The following WDR48 variants were observed in gnomAD, a reference collection of about 807,000 sequenced individuals.
WDR48 encodes WD repeat domain 48, also known as WD repeat-containing protein 48.
Under a neutral mutation model 94.0 loss-of-function variants are expected in WDR48, and 22 were observed. The observed-to-expected ratio is 0.23, with a 90% confidence interval of 0.17 to 0.33. The LOEUF is 0.33. Among genes scored for constraint, WDR48 ranks in the 10% least tolerant of loss-of-function variants. The pLI, the probability that WDR48 is intolerant of heterozygous loss-of-function variation, is 1.00. For synonymous variants in WDR48, 278 were observed against 280.5 expected (o/e 0.99, Z 0.09); for missense variants, 541 against 813.8 (o/e 0.66, Z 4.08).
At chr3:39,093,438 A>G (rs1188314360) in intron 17 of WDR48, among the ~76,000 whole-genome samples, 1 of 152,106 alleles carries the variant, frequency 6.6e-6, no homozygotes, top group Non-Finnish European at 1.5e-5. Flanking sequence ...ATCTTGGCTC[A>G]CTGCAGCCTC....
At chr3:39,061,878 G>GT (rs1575395495) in intron 1 of WDR48, among the ~76,000 whole-genome samples, 2 of 151,672 alleles carry the variant, frequency 1.3e-5, no homozygotes, top group Admixed American at 6.6e-5. Flanking sequence ...TCTTGTGTCT[G>GT]CTGCAGAAAT....
At chr3:39,094,566 C>A in intron 18 of WDR48, 82 bp from the exon 19 acceptor site, 1 of 1,576,276 alleles carries the variant, frequency 6.3e-7, no homozygotes, top group Middle Eastern at 1.7e-4. Flanking sequence ...AGCTGGATCA[C>A]CTGATGAGAG....
intron 7 of WDR48, among the ~76,000 whole-genome samples, chr3:39,071,835 T>C (rs1575410870): frequency 6.6e-6 from 1 of 152,322 alleles, no homozygotes; most frequent in East Asian, 1.9e-4. Context: ...TAACTGCTTA[T>C]TTGGGAAAAA....
chr3:39,082,022 C>T (rs1437302379), intron 11 of WDR48, among the ~76,000 whole-genome samples: 2 of 152,228 alleles, frequency 1.3e-5, no homozygotes, highest in Admixed American at 1.3e-4. Flanking sequence ...GCATTCTAAC[C>T]TTGGCTGTGC....
intron 14 of WDR48, chr3:39,086,339 ACTCTGCTGAAGATT>A (rs1397930611): frequency 3.9e-5 from 6 of 152,220 alleles, no homozygotes; most frequent in Admixed American, 2.0e-4. Flanking sequence ...ACTGAGGCTT[ACTCTGCTGAAGATT>A]CTCTGCTGGC....
intron 16 of WDR48, chr3:39,089,866 G>C (rs978010953): frequency 5.9e-5 from 9 of 151,982 alleles, no homozygotes; most frequent in African/African-American, 2.2e-4. Flanking sequence ...AGATTCTACT[G>C]TATAAATGTA....
In WDR48 at chr3:39,093,880, ACT is replaced by A; in HGVS notation, c.1757_1758del (p.Ser586CysfsTer2). On this transcript the variant is annotated frameshift_variant, in exon 18 of 19. Coordinates refer to ENST00000302313, the MANE Select transcript of WDR48 (RefSeq NM_020839.4). LOFTEE classifies it high-confidence loss of function. ...TGCCATTGCTTTTTTACAGAGATAG[ACT>A]CTCTGCTAGTGACATGCTCCAAGTC... is the stretch of plus-strand genomic sequence containing the variant. The part of the protein sequence containing the change: ...SGAKTLKKDR[L>X]SASDMLQVRK... The A allele has an allele frequency of 6.3e-7, 1 of 1,598,156 alleles. No homozygotes were observed. Among genetic ancestry groups the A allele is most frequent in the Non-Finnish European group, 8.5e-7 (1 of 1,173,898 alleles).
Position 39,084,137 on chromosome 3 carries a change from CT to C in WDR48, c.1174-15del, listed in dbSNP as rs761025916. Reference sequence around the variant, plus strand: ...TCACCACTTAATATTGATCATTATACTTTCTTTTGATGTATAGGCATGTAAA... The same window carrying C: ...TCACCACTTAATATTGATCATTATACTTCTTTTGATGTATAGGCATGTAAA... On this transcript the variant is annotated splice_polypyrimidine_tract_variant and intron_variant, in intron 11 of 18. Coordinates refer to ENST00000302313, the MANE Select transcript of WDR48 (RefSeq NM_020839.4). 1.9e-6 allele frequency: 3 copies of C among 1,586,766 alleles called. No individual in the cohort carries two copies. The highest frequency in any genetic ancestry group is 1.3e-5 in the African/African-American group (1 of 74,408).
At chr3:39,079,672 A>T (rs1183273224) in intron 10 of WDR48, 39 bp from the exon 11 acceptor site, 1 of 1,382,454 alleles carries the variant, frequency 7.2e-7, no homozygotes, top group East Asian at 2.5e-5. Context: ...TTAAATGTAG[A>T]AAGATTGTTT....
At chr3:39,059,042 T>A (rs2033087708) in intron 1 of WDR48, among the ~76,000 whole-genome samples, 1 of 130,936 alleles carries the variant, frequency 7.6e-6, no homozygotes, top group Non-Finnish European at 1.5e-5. Flanking sequence ...ACCACTGCAC[T>A]CCAGCCTGGG....
At chr3:39,052,163 G>A (rs1352012278) in intron 1 of WDR48, 90 bp downstream of exon 1, 6 of 1,539,464 alleles carry the variant, frequency 3.9e-6, no homozygotes, top group Admixed American at 3.5e-5. Flanking sequence ...ACGACCAGCT[G>A]GGGTAGCGGC....
intron 16 of WDR48, 106 bp downstream of exon 16, chr3:39,089,424 C>T (rs1197192261): frequency 1.0e-6 from 1 of 998,510 alleles, no homozygotes; most frequent in African/African-American, 1.6e-5. Flanking sequence ...AGCTAGACTC[C>T]CAAGTGGAAT....
chr3:39,066,493 T>G (rs1449769586), intron 3 of WDR48, 55 bp from the exon 4 acceptor site: 2 of 1,464,604 alleles, frequency 1.4e-6, no homozygotes, highest in South Asian at 2.4e-5. Context: ...AAGATAAGTT[T>G]TCAAAGTTTT....
chr3:39,094,835 C>G lies in WDR48; in HGVS notation c.*92C>G, dbSNP rs1272495560. ...GAAGCCCACTGATCCCCAACGGGAG[C>G]AAGACTTCTAACGGCTGATTGGTAT... On this transcript the variant is annotated 3_prime_UTR_variant, in exon 19 of 19. Transcript: ENST00000302313. The G allele has an allele frequency of 6.7e-7, 1 of 1,489,140 alleles. No homozygotes were observed. Among genetic ancestry groups the G allele is most frequent in the Non-Finnish European group, 9.1e-7 (1 of 1,096,558 alleles). 92.2% of individuals were successfully genotyped at this position (1,489,140 alleles called of 1,614,324 possible). A position where few individuals can be genotyped will look rare whatever the true frequency, so the allele number is the denominator to read the frequency against.
chr3:39,092,282 G>A (rs887588765), intron 17 of WDR48, among the ~76,000 whole-genome samples: 5 of 152,210 alleles, frequency 3.3e-5, no homozygotes, highest in African/African-American at 1.2e-4. Context: ...GGAATAATGA[G>A]AGTGAGAGAA....
chr3:39,091,724 G>C (rs1575438179), intron 17 of WDR48, 23 bp downstream of exon 17: 2 of 1,561,772 alleles, frequency 1.3e-6, no homozygotes, highest in African/African-American at 1.4e-5. Context: ...ATGGTTTCTT[G>C]ATCTAATTAA....
intron 8 of WDR48, 24 bp downstream of exon 8, chr3:39,074,974 G>C: frequency 6.2e-7 from 1 of 1,606,950 alleles, no homozygotes. Flanking sequence ...TAATATTTTA[G>C]TTTTATAATT....
chr3:39,052,827 G>A (rs1194862544), intron 1 of WDR48, among the ~76,000 whole-genome samples: 2 of 152,072 alleles, frequency 1.3e-5, no homozygotes, highest in African/African-American at 2.4e-5. Flanking sequence ...TTACGCTTAA[G>A]AGTTACTGCC....
chr3:39,073,473 T>G (rs1197381321), intron 7 of WDR48, among the ~76,000 whole-genome samples: 3 of 152,154 alleles, frequency 2.0e-5, no homozygotes, highest in Non-Finnish European at 4.4e-5. Context: ...TTGGGCACCT[T>G]CCAAATCTCC....
Sources: allele counts gnomAD v4.1 joint callset (sites outside exome capture counted in the v4.1 genomes callset), GRCh38; gene constraint gnomAD v4.1.1; transcripts MANE v1.5; gene names NCBI Gene and HGNC (gene_info 2026-07-23, HGNC 2026-07-21).